Variants in TBC1D20 observed in about 807,000 individuals in gnomAD.
TBC1D20 encodes the protein TBC1 domain family member 20, also known as chromosome 20 open reading frame 140.
Under a neutral mutation model 41.6 loss-of-function variants are expected in TBC1D20, and 12 were observed. The ratio of observed to expected loss-of-function variants is 0.29; its 90% CI spans 0.18 to 0.47. The LOEUF (loss-of-function observed/expected upper bound fraction) is 0.47. Among genes scored for constraint, TBC1D20 ranks in the 20% least tolerant of loss-of-function variants. TBC1D20 has a pLI of 1.00. For missense variants in TBC1D20, 421 were observed against 517.4 expected (o/e 0.81, Z 1.81); for synonymous variants, 205 against 204.8 (o/e 1.00, Z -0.01).
At chr20:449,398 C>A (rs886091471) in intron 1 of TBC1D20, among the ~76,000 whole-genome samples, 2 of 151,238 alleles carry the variant, frequency 1.3e-5, no homozygotes, top group Non-Finnish European at 2.9e-5. Context: ...AGTTCGAGAC[C>A]AGCCTGGCCA....
At chr20:441,531 T>G (rs1225066380) in intron 5 of TBC1D20, 57 bp downstream of exon 5, 4 of 1,400,532 alleles carry the variant, frequency 2.9e-6, no homozygotes, top group Non-Finnish European at 4.1e-6. Flanking sequence ...GTGTTTCAGG[T>G]GTGGGGGGGT....
intron 1 of TBC1D20, among the ~76,000 whole-genome samples, chr20:453,153 C>CAA (rs71191943): frequency 0.021 from 959 of 44,850 alleles, 177 homozygotes; most frequent in East Asian, 0.044. Flanking sequence ...AACTCCGTTT[C>CAA]AAAAAAAAAA....
intron 5 of TBC1D20, 43 bp downstream of exon 5, chr20:441,545 G>T: frequency 6.7e-7 from 1 of 1,497,738 alleles, no homozygotes; most frequent in Non-Finnish European, 9.3e-7. Context: ...GGGGGGTGTG[G>T]GCGTGTGTAT....
chr20:442,338 C>A (rs2017251324), intron 3 of TBC1D20, among the ~76,000 whole-genome samples: 2 of 152,192 alleles, frequency 1.3e-5, no homozygotes, highest in Admixed American at 1.3e-4. Context: ...ACGGCCTCTG[C>A]CTCCCGAGGT....
At position 448,032 on chromosome 20, in the gene TBC1D20, T is replaced by C. The variant is rs2017369437; in HGVS notation, c.113A>G (p.Gln38Arg). 6.2e-7 allele frequency: 1 copy of C among 1,613,882 alleles called. No individual in the cohort carries two copies. The highest frequency in any genetic ancestry group is 8.5e-7 in the Non-Finnish European group (1 of 1,179,894). Residue 38 changes from glutamine (Q) to arginine (R), a missense_variant, in exon 2 of 8, where the codon CAG becomes CGG. Transcript: ENST00000354200. The stretch of plus-strand genomic sequence containing the variant: ...ATCAGTGGGATCACTGTTCAGAGCC[T>C]GGTGTATCTCTGCCACTTTCTTTTT... ...KRKKKVAEIH[Q>R]ALNSDPTDVA...
intron 1 of TBC1D20, among the ~76,000 whole-genome samples, chr20:455,731 G>C (rs1008974517): frequency 6.6e-6 from 1 of 151,902 alleles, no homozygotes; most frequent in Admixed American, 6.6e-5. Flanking sequence ...TCAGGCGTTC[G>C]AGACCAGCCT....
intron 1 of TBC1D20, among the ~76,000 whole-genome samples, chr20:450,316 T>A (rs1433565895): frequency 7.2e-6 from 1 of 138,858 alleles, no homozygotes; most frequent in Non-Finnish European, 1.6e-5. Context: ...GCTTTGCTAA[T>A]TTTTTTTTTT....
At chr20:458,597 A>G (rs1183654274) in intron 1 of TBC1D20, among the ~76,000 whole-genome samples, 1 of 152,104 alleles carries the variant, frequency 6.6e-6, no homozygotes, top group African/African-American at 2.4e-5. Context: ...ACAGGCGTTG[A>G]GCCACCATAC....
chr20:440,406 G>A lies in TBC1D20; in HGVS notation c.627-17C>T. 6.2e-7 allele frequency: 1 copy of A among 1,613,928 alleles called. No homozygotes were observed. Among genetic ancestry groups the A allele is most frequent in the Non-Finnish European group, 8.5e-7 (1 of 1,179,852 alleles). On this transcript the variant is annotated splice_polypyrimidine_tract_variant and intron_variant, in intron 5 of 7. Transcript: ENST00000354200. ...ACCTCAGCACTAGAAACAAAGGAAA[G>A]GCAGGTGTCAGGTCCTGTGGGCCAT...
At chr20:457,345 A>G (rs2017560342) in intron 1 of TBC1D20, among the ~76,000 whole-genome samples, 1 of 152,120 alleles carries the variant, frequency 6.6e-6, no homozygotes, top group African/African-American at 2.4e-5. Flanking sequence ...CTAGGGCTCA[A>G]GCGATCCTTC....
At chr20:458,315 T>C (rs2017575435) in intron 1 of TBC1D20, among the ~76,000 whole-genome samples, 1 of 140,656 alleles carries the variant, frequency 7.1e-6, no homozygotes, top group South Asian at 2.2e-4. Context: ...TCTGTTCCAA[T>C]TTTTTTTTTT....
Position 441,547 on chromosome 20 carries a change from C to T in TBC1D20, c.626+41G>A, listed in dbSNP as rs369944781. On this transcript the variant is annotated intron_variant, in intron 5 of 7. Coordinates refer to ENST00000354200, the MANE Select transcript of TBC1D20 (RefSeq NM_144628.4). Reference sequence around the variant, plus strand: ...TGTTTCAGGTGTGGGGGGGTGTGGGCGTGTGTATGCATGCACACAGAAATG... The same window carrying T: ...TGTTTCAGGTGTGGGGGGGTGTGGGTGTGTGTATGCATGCACACAGAAATG... The T allele has an allele frequency of 1.7e-5, 26 of 1,490,182 alleles. No individual in the cohort carries two copies. In the African/African-American group the frequency reaches 1.9e-4, roughly 11 times the overall value. The allele number at this position is 1,490,182 out of a possible 1,614,324, so 92.3% of individuals were successfully genotyped here.
chr20:442,015 G>A lies in TBC1D20; in HGVS notation c.366C>T (p.Leu122=). 2 of 1,613,690 alleles carry A rather than the reference G, an allele frequency of 1.2e-6. No homozygotes were observed. The highest frequency in any genetic ancestry group is 1.7e-6 in the Non-Finnish European group (2 of 1,179,840). Residue 122 remains leucine, a synonymous_variant, in exon 4 of 8, where the codon CTC becomes CTT. Coordinates refer to ENST00000354200, the MANE Select transcript of TBC1D20 (RefSeq NM_144628.4). ...GGATGATGTCAATCAGTTCTTCCTG[G>A]AGCCCTTCTCTCTGTTCCTCTGGCA... ...PGMPEEQREG[L]QEELIDIILL...
At chr20:449,454 G>C (rs2017403645) in intron 1 of TBC1D20, among the ~76,000 whole-genome samples, 1 of 151,566 alleles carries the variant, frequency 6.6e-6, no homozygotes, top group Non-Finnish European at 1.5e-5. Flanking sequence ...AATTAGCCAG[G>C]CGTGGTGGCA....
intron 3 of TBC1D20, 81 bp downstream of exon 3, chr20:444,969 G>T: frequency 1.5e-6 from 2 of 1,298,520 alleles, no homozygotes; most frequent in Non-Finnish European, 2.2e-6. Context: ...AGGCGGCAGG[G>T]TCCAGCATAT....
chr20:443,054 C>G lies in TBC1D20; in HGVS notation c.338-1011G>C, dbSNP rs534989274. ...ACCAGAGCTTGCAGTGAGCTGAGAT[C>G]GTGCCACTGCACTGCAGCCCGGGCG... On this transcript the variant is annotated intron_variant, in intron 3 of 7. Transcript: ENST00000354200. Among the ~76,000 whole-genome samples the G allele has an allele frequency of 5.3e-5, 8 of 152,100 alleles. No individual in the cohort carries two copies. In the South Asian group the frequency reaches 6.2e-4, roughly 12 times the overall value.
At position 435,749 on chromosome 20, in the gene TBC1D20, T is replaced by C. The variant is rs973532819; in HGVS notation, c.*2837A>G. ...AGGCATGGCTGAAGCATGGCAGCTG[T>C]GTTGAGATGAAACTGGACAAAAAGC... On this transcript the variant is annotated 3_prime_UTR_variant, in exon 8 of 8. Coordinates refer to ENST00000354200, the MANE Select transcript of TBC1D20 (RefSeq NM_144628.4). 3 of 152,470 alleles carry C rather than the reference T, an allele frequency of 2.0e-5. No individual in the cohort carries two copies. The highest frequency in any genetic ancestry group is 7.2e-5 in the African/African-American group (3 of 41,428). 9.4% of individuals were successfully genotyped at this position (152,470 alleles called of 1,614,324 possible). A position where few individuals can be genotyped will look rare whatever the true frequency, so the allele number is the denominator to read the frequency against.
chr20:444,998 C>A, intron 3 of TBC1D20, 52 bp downstream of exon 3: 2 of 1,520,058 alleles, frequency 1.3e-6, no homozygotes, highest in Non-Finnish European at 9.0e-7. Flanking sequence ...ATGGTATGAC[C>A]TGGAACAGAT....
At chr20:440,465 G>A in intron 5 of TBC1D20, 76 bp from the exon 6 acceptor site, 3 of 1,534,734 alleles carry the variant, frequency 2.0e-6, no homozygotes, top group South Asian at 1.2e-5. Context: ...TAGCGCTGGT[G>A]AGAAGGAAGC....
Sources: gnomAD v4.1 joint callset for allele counts (sites outside exome capture counted in the v4.1 genomes callset) on GRCh38, gnomAD v4.1.1 for gene constraint, MANE v1.5 for transcripts, NCBI Gene and HGNC (gene_info 2026-07-23, HGNC 2026-07-21) for gene names.